Variants in CEP95 observed in about 807,000 individuals in gnomAD.
The protein encoded by CEP95 is centrosomal protein 95.
A neutral mutation model predicts 111.2 loss-of-function variants in CEP95; 98 were observed. That is an observed-to-expected ratio of 0.88 (90% CI 0.75 to 1.04). The LOEUF (loss-of-function observed/expected upper bound fraction) is 1.04, where lower values mean the gene tolerates loss of function less well. Ranked by LOEUF, CEP95 falls within the 50% of genes least tolerant of loss-of-function variation. The pLI, the probability that CEP95 is intolerant of heterozygous loss-of-function variation, is 0.00. For missense variants in CEP95, 1,027 were observed against 977.2 expected (o/e 1.05, Z -0.68); for synonymous variants, 323 against 327.1 (o/e 0.99, Z 0.14).
Position 64,516,761 on chromosome 17 carries a change from G to A in CEP95, c.406G>A (p.Glu136Lys). The A allele has an allele frequency of 6.2e-7, 1 of 1,612,730 alleles. No individual in the cohort carries two copies. The highest frequency in any genetic ancestry group is 8.5e-7 in the Non-Finnish European group (1 of 1,178,826). The stretch of plus-strand genomic sequence containing the variant: ...GTATTTTAAAGAATCTGATCGAGGA[G>A]AACGTTTGGAAGAGCCAGAAAGTAC... ...EQYFKESDRG[E>K]RLEEPESTKE... The change falls in exon 5 of 20, where the codon GAA becomes AAA. Residue 136 changes from glutamate (E) to lysine (K), a missense_variant. Glu to Lys is a moderately conservative substitution (Grantham distance 56, BLOSUM62 1). Coordinates refer to ENST00000556440, the MANE Select transcript of CEP95 (RefSeq NM_138363.3).
chr17:64,537,552 G>A (rs965119496), intron 19 of CEP95, 51 bp from the exon 20 acceptor site: 93 of 1,503,064 alleles, frequency 6.2e-5, no homozygotes, highest in Non-Finnish European at 7.6e-5. Flanking sequence ...CAATAGATGA[G>A]GGCCTGGATA....
chr17:64,509,200 C>T (rs370263508), intron 2 of CEP95, among the ~76,000 whole-genome samples: 8 of 152,140 alleles, frequency 5.3e-5, no homozygotes, highest in African/African-American at 1.4e-4. Context: ...AGTTAATAAG[C>T]GCATATGTCC....
At chr17:64,508,179 G>A (rs1438451627) in intron 1 of CEP95, 2 of 985,320 alleles carry the variant, frequency 2.0e-6, no homozygotes, top group African/African-American at 1.7e-5. Flanking sequence ...ACTATTGCAA[G>A]TGCGAAGCAG....
intron 3 of CEP95, among the ~76,000 whole-genome samples, chr17:64,512,885 T>TAGCAGGGTTATAAACATAC (rs1364019258): frequency 5.9e-5 from 9 of 152,170 alleles, no homozygotes; most frequent in African/African-American, 2.2e-4. Context: ...AAACATACTA[T>TAGCAGGGTTATAAACATAC]AGCAGGGTTA....
intron 1 of CEP95, chr17:64,507,652 A>T: frequency 2.0e-6 from 2 of 988,080 alleles, no homozygotes; most frequent in Non-Finnish European, 2.4e-6. Context: ...GTTGTCTAGG[A>T]CGCTTTCATC....
At chr17:64,518,461 C>T (rs1967047949) in intron 5 of CEP95, among the ~76,000 whole-genome samples, 1 of 152,136 alleles carries the variant, frequency 6.6e-6, no homozygotes, top group South Asian at 2.1e-4. Flanking sequence ...GGTTACAGGA[C>T]CTTCATGAGC....
chr17:64,508,018 A>G (rs1359381504), intron 1 of CEP95: 4 of 985,002 alleles, frequency 4.1e-6, no homozygotes, highest in African/African-American at 1.7e-5. Context: ...TTTCATATAG[A>G]TCGATATAAT....
At chr17:64,534,767 TAAG>T (rs145444747) in intron 17 of CEP95, 30 bp downstream of exon 17, 104,619 of 1,598,634 alleles carry the variant, frequency 0.065, 4,008 homozygotes, top group Non-Finnish European at 0.078. Context: ...CCAGCCCTGT[TAAG>T]AAGGTGAACT....
chr17:64,535,192 A>G (rs1968564307), intron 17 of CEP95: 1 of 170,596 alleles, frequency 5.9e-6, no homozygotes, highest in African/African-American at 2.4e-5. Flanking sequence ...CAAGCTAGCA[A>G]TAAATTTCAT....
rs782579097 is a variant in CEP95 at position 64,521,418 on chromosome 17, T to C, written c.606T>C (p.Asn202=). The change falls in exon 7 of 20, where the codon AAT becomes AAC. Residue 202 remains asparagine (N), a synonymous_variant. Transcript: ENST00000556440. ...SLRSNGAQCP[N]EMLSKKALAS... is the part of the protein sequence containing the mutation. ...CTTTCCTAGGTGCTCAATGTCCTAATGAAATGCTGTCTAAAAAAGCCTTAG... is the reference window on the plus strand; with the variant it reads ...CTTTCCTAGGTGCTCAATGTCCTAACGAAATGCTGTCTAAAAAAGCCTTAG... 1 of 1,611,022 alleles carries C rather than the reference T, an allele frequency of 6.2e-7. No individual in the cohort carries two copies. Among genetic ancestry groups the C allele is most frequent in the Admixed American group, 1.7e-5 (1 of 59,868 alleles).
intron 4 of CEP95, among the ~76,000 whole-genome samples, chr17:64,515,324 A>G (rs2039085934): frequency 6.6e-6 from 1 of 152,208 alleles, no homozygotes; most frequent in Non-Finnish European, 1.5e-5. Flanking sequence ...GGTGGGACTC[A>G]CCTAATTCAA....
Position 64,527,111 on chromosome 17 carries a change from A to G in CEP95, c.1153A>G (p.Met385Val). Reference protein sequence around the residue: ...LSQRLSELDWMLKSALGDRIK... With the variant: ...LSQRLSELDWVLKSALGDRIK... ...ATGTTGAAAAGAATTTTCTCAATAG[A>G]TGTTAAAAAGTGCTCTGGGTGATCG... is the stretch of plus-strand genomic sequence containing the variant. Residue 385 changes from methionine (M) to valine (V), a missense_variant and splice_region_variant, in exon 11 of 20, where the codon ATG becomes GTG. Met to Val is a conservative substitution (Grantham distance 21, BLOSUM62 1). Transcript: ENST00000556440. The G allele has an allele frequency of 6.2e-7, 1 of 1,609,624 alleles. No homozygotes were observed. Among genetic ancestry groups the G allele is most frequent in the Non-Finnish European group, 8.5e-7 (1 of 1,178,162 alleles).
chr17:64,522,928 A>C (rs1000918546), intron 8 of CEP95, 33 bp downstream of exon 8: 1 of 1,520,286 alleles, frequency 6.6e-7, no homozygotes, highest in Middle Eastern at 2.2e-4. Context: ...AGTTGGCTAG[A>C]AGTACACTTG....
rs1273707377 is a variant in CEP95 at position 64,537,909 on chromosome 17, CTT to C, written c.*134_*135del. ...CTTTACCTGTATTTTCATTCCAGTA[CTT>C]TTTATGATTTTTTAAATAAAAATTG... is the stretch of plus-strand genomic sequence containing the variant. On this transcript the variant is annotated 3_prime_UTR_variant, in exon 20 of 20. Coordinates refer to ENST00000556440, the MANE Select transcript of CEP95 (RefSeq NM_138363.3). 3 of 471,406 alleles carry C rather than the reference CTT, an allele frequency of 6.4e-6. No individual in the cohort carries two copies. The highest frequency in any genetic ancestry group is 4.3e-5 in the Admixed American group (1 of 23,098). The allele number at this position is 471,406 out of a possible 1,614,324, so 29.2% of individuals were successfully genotyped here.
At position 64,537,829 on chromosome 17, in the gene CEP95, CAG is replaced by C; in HGVS notation, c.*53_*54del. 8.1e-7 allele frequency: 1 copy of C among 1,241,428 alleles called. No individual in the cohort carries two copies. Among genetic ancestry groups the C allele is most frequent in the South Asian group, 1.8e-5 (1 of 54,222 alleles). 76.9% of individuals were successfully genotyped at this position (1,241,428 alleles called of 1,614,324 possible). A position where few individuals can be genotyped will look rare whatever the true frequency, so the allele number is the denominator to read the frequency against. On this transcript the variant is annotated 3_prime_UTR_variant, in exon 20 of 20. Transcript: ENST00000556440. The stretch of plus-strand genomic sequence containing the variant: ...AAGGTTCTGGAGGCCTTTACCAGGA[CAG>C]AGCTAGAATCGAGCCAGTAAACAGT...
intron 5 of CEP95, 25 bp downstream of exon 5, chr17:64,516,853 G>T: frequency 7.4e-7 from 1 of 1,357,802 alleles, no homozygotes; most frequent in South Asian, 1.2e-5. Context: ...CTCTGAATTT[G>T]ATGAAAACAA....
In CEP95 at chr17:64,531,883, T is replaced by C. The variant is rs782749048; in HGVS notation, c.1540-7T>C. The C allele has an allele frequency of 5.8e-6, 9 of 1,548,504 alleles. No homozygotes were observed. In the Middle Eastern group the frequency reaches 1.2e-3, roughly 206 times the overall value. On this transcript the variant is annotated splice_region_variant and splice_polypyrimidine_tract_variant and intron_variant, in intron 13 of 19. Transcript: ENST00000556440. ...TATTTTTATTCTGTTTTATATCTGCTTCTAAGGAAAAAATATACAGAGGAG... is the reference window on the plus strand; with the variant it reads ...TATTTTTATTCTGTTTTATATCTGCCTCTAAGGAAAAAATATACAGAGGAG...
chr17:64,522,692 G>T lies in CEP95; in HGVS notation c.716-10G>T. 2.5e-6 allele frequency: 4 copies of T among 1,605,960 alleles called. No homozygotes were observed. Among genetic ancestry groups the T allele is most frequent in the Non-Finnish European group, 3.4e-6 (4 of 1,175,126 alleles). On this transcript the variant is annotated splice_polypyrimidine_tract_variant and intron_variant, in intron 7 of 19. Transcript: ENST00000556440. Reference sequence around the variant, plus strand: ...TGCATCGTAATATCCACTTTAATTTGTCTTACTAGCGGAAACCCTTTCTGT... The same window carrying T: ...TGCATCGTAATATCCACTTTAATTTTTCTTACTAGCGGAAACCCTTTCTGT...
At position 64,520,134 on chromosome 17, in the gene CEP95, G is replaced by A. The variant is rs185019183; in HGVS notation, c.589+698G>A. ...ACTACAAAAATGTTTCTTGAAGTAGGAGAATCAGATGGATTGATTGGGAAT... is the reference window on the plus strand; with the variant it reads ...ACTACAAAAATGTTTCTTGAAGTAGAAGAATCAGATGGATTGATTGGGAAT... On this transcript the variant is annotated intron_variant, in intron 6 of 19. Transcript: ENST00000556440. Among the ~76,000 whole-genome samples the A allele has an allele frequency of 8.6e-3, 1,311 of 152,346 alleles. 14 individuals are homozygous for A. The highest frequency in any genetic ancestry group is 0.014 in the Non-Finnish European group (951 of 68,042).
Sources: allele counts gnomAD v4.1 joint callset (sites outside exome capture counted in the v4.1 genomes callset), GRCh38; gene constraint gnomAD v4.1.1; transcripts MANE v1.5; gene names NCBI Gene and HGNC (gene_info 2026-07-23, HGNC 2026-07-21).